HMBOX1: variants seen among roughly 807,000 people sequenced by gnomAD.
The protein encoded by HMBOX1 is homeobox-containing protein 1.
In HMBOX1, 14 loss-of-function variants were observed where a neutral mutation model predicts 54.5. That is an observed-to-expected ratio of 0.26 (90% CI 0.17 to 0.40). HMBOX1 has a LOEUF of 0.40. HMBOX1 is among the 10% of genes least tolerant of loss of function. HMBOX1 has a pLI of 1.00. For missense variants in HMBOX1, 332 were observed against 514.4 expected (o/e 0.65, Z 3.43); for synonymous variants, 160 against 181.0 (o/e 0.88, Z 0.93).
intron 5 of HMBOX1, among the ~76,000 whole-genome samples, chr8:29,014,824 C>T (rs973306441): frequency 2.0e-5 from 3 of 152,026 alleles, no homozygotes; most frequent in Non-Finnish European, 2.9e-5. Context: ...GGATTACAGG[C>T]GTGTGCCACC....
Position 29,051,499 on chromosome 8 carries a change from G to T in HMBOX1, c.*344G>T. Reference sequence around the variant, plus strand: ...AATATTAGACTACGTGTAAAATCTTGGGTACCTTTAGATTCTTGTAACACT... The same window carrying T: ...AATATTAGACTACGTGTAAAATCTTTGGTACCTTTAGATTCTTGTAACACT... On this transcript the variant is annotated 3_prime_UTR_variant, in exon 10 of 10. Transcript: ENST00000287701. The T allele has an allele frequency of 1.4e-6, 1 of 702,038 alleles. No individual in the cohort carries two copies. The highest frequency in any genetic ancestry group is 2.6e-6 in the Non-Finnish European group (1 of 384,322). The allele number at this position is 702,038 out of a possible 1,614,324, so 43.5% of individuals were successfully genotyped here. A position where few individuals can be genotyped will look rare whatever the true frequency, so the allele number is the denominator to read the frequency against.
At chr8:28,910,364 C>CT (rs1292271927) in intron 1 of HMBOX1, among the ~76,000 whole-genome samples, 1 of 152,104 alleles carries the variant, frequency 6.6e-6, no homozygotes, top group Non-Finnish European at 1.5e-5. Flanking sequence ...TTTAAAAATG[C>CT]TTTTATGACA....
chr8:29,017,233 A>C (rs942540647), intron 5 of HMBOX1, among the ~76,000 whole-genome samples: 8 of 152,138 alleles, frequency 5.3e-5, no homozygotes, highest in Non-Finnish European at 4.4e-5. Context: ...TCATAGTCTC[A>C]GGTTAGTCAG....
intron 4 of HMBOX1, among the ~76,000 whole-genome samples, chr8:28,988,782 T>G (rs1830520798): frequency 6.6e-6 from 1 of 152,238 alleles, no homozygotes; most frequent in African/African-American, 2.4e-5. Context: ...TCAGGTTGTT[T>G]GCCTTATTTA....
chr8:29,003,555 A>AATTATATATATATATATATATAT (rs1832974867), intron 4 of HMBOX1, among the ~76,000 whole-genome samples: 1 of 71,312 alleles, frequency 1.4e-5, no homozygotes, highest in Non-Finnish European at 2.7e-5. Context: ...TTCTGTATTA[A>AATTATATATATATATATATATAT]ATATATATAT....
At chr8:29,037,534 A>G (rs1586642258) in intron 6 of HMBOX1, among the ~76,000 whole-genome samples, 1 of 152,308 alleles carries the variant, frequency 6.6e-6, no homozygotes, top group Non-Finnish European at 1.5e-5. Context: ...AGTAATTGTT[A>G]ACATTTGGCA....
At chr8:29,050,714 T>TATC in intron 9 of HMBOX1, 1 of 319,456 alleles carries the variant, frequency 3.1e-6, no homozygotes, top group Non-Finnish European at 5.8e-6. Flanking sequence ...GTTGGTTTTA[T>TATC]ATCAATCACT....
At chr8:28,956,099 A>G (rs1186268819) in intron 1 of HMBOX1, 2 of 152,190 alleles carry the variant, frequency 1.3e-5, no homozygotes, top group Non-Finnish European at 2.9e-5. Flanking sequence ...AATATATATC[A>G]CTATATTTCT....
chr8:29,050,977 T>G, intron 9 of HMBOX1, 41 bp from the exon 10 acceptor site: 2 of 1,593,692 alleles, frequency 1.3e-6, no homozygotes, highest in Non-Finnish European at 1.7e-6. Context: ...TAAAGAATTC[T>G]TCCAATCCAC....
intron 3 of HMBOX1, among the ~76,000 whole-genome samples, chr8:28,976,186 T>C (rs557259913): frequency 6.6e-6 from 1 of 152,318 alleles, no homozygotes; most frequent in Non-Finnish European, 1.5e-5. Context: ...TCTTATATGA[T>C]TACAGCAGAT....
chr8:28,993,630 T>C (rs1428586728), intron 4 of HMBOX1, among the ~76,000 whole-genome samples: 1 of 152,222 alleles, frequency 6.6e-6, no homozygotes, highest in African/African-American at 2.4e-5. Context: ...TTTTGGATTT[T>C]GTACTCCATG....
chr8:28,905,414 A>G (rs1167697753), intron 1 of HMBOX1, among the ~76,000 whole-genome samples: 1 of 152,272 alleles, frequency 6.6e-6, no homozygotes, highest in African/African-American at 2.4e-5. Context: ...GCCTAAAAGC[A>G]TAATATAGTT....
At chr8:28,997,181 C>G (rs1291857747) in intron 4 of HMBOX1, among the ~76,000 whole-genome samples, 1 of 152,144 alleles carries the variant, frequency 6.6e-6, no homozygotes, top group Admixed American at 6.6e-5. Flanking sequence ...TTGTCTTGTT[C>G]CTGATCTTAG....
intron 1 of HMBOX1, among the ~76,000 whole-genome samples, chr8:28,939,288 TAAA>T (rs781363581): frequency 5.2e-4 from 68 of 130,344 alleles, no homozygotes; most frequent in African/African-American, 1.8e-3. Flanking sequence ...AAACTCCGTC[TAAA>T]AAAAAAAAAA....
chr8:29,002,591 T>A (rs968103648), intron 4 of HMBOX1, among the ~76,000 whole-genome samples: 1 of 152,078 alleles, frequency 6.6e-6, no homozygotes, highest in Non-Finnish European at 1.5e-5. Context: ...AAAAAATCCA[T>A]CCCAATGATA....
chr8:29,049,498 CCACT>C (rs932483569), intron 9 of HMBOX1: 1 of 1,444,572 alleles, frequency 6.9e-7, no homozygotes, highest in Non-Finnish European at 9.1e-7. Flanking sequence ...ATGGAAGGCC[CCACT>C]CACTCTGGCC....
At chr8:28,931,394 A>G (rs1819447248) in intron 1 of HMBOX1, among the ~76,000 whole-genome samples, 2 of 152,206 alleles carry the variant, frequency 1.3e-5, no homozygotes, top group African/African-American at 4.8e-5. Flanking sequence ...AGAGAAGACC[A>G]TATTTAGTTA....
chr8:28,954,965 C>G (rs966011281), intron 1 of HMBOX1, among the ~76,000 whole-genome samples: 2 of 152,066 alleles, frequency 1.3e-5, no homozygotes. Flanking sequence ...AATACAGTAT[C>G]GACAGGTTCT....
At chr8:28,996,306 G>A (rs1041177115) in intron 4 of HMBOX1, among the ~76,000 whole-genome samples, 1 of 152,118 alleles carries the variant, frequency 6.6e-6, no homozygotes, top group African/African-American at 2.4e-5. Context: ...GTAGACACAC[G>A]TGAGTAATGC....
Sources: gnomAD v4.1 joint callset for allele counts (sites outside exome capture counted in the v4.1 genomes callset) on GRCh38, gnomAD v4.1.1 for gene constraint, MANE v1.5 for transcripts, NCBI Gene and HGNC (gene_info 2026-07-23, HGNC 2026-07-21) for gene names.